The following TSHZ2 variants were observed in gnomAD, a reference collection of about 807,000 sequenced individuals.
The protein encoded by TSHZ2 is teashirt homolog 2.
In TSHZ2, 21 loss-of-function variants were observed where a neutral mutation model predicts 74.4. The ratio of observed to expected loss-of-function variants is 0.28; its 90% confidence interval spans 0.20 to 0.41. The LOEUF (loss-of-function observed/expected upper bound fraction) is 0.41. TSHZ2 is among the 10% of genes least tolerant of loss of function. The probability of loss-of-function intolerance (pLI) is 1.00; values close to 1 mark genes in which losing one functional copy is unlikely to be tolerated. For missense variants in TSHZ2, 1,244 were observed against 1,293.5 expected, an observed-to-expected ratio of 0.96 and a Z score of 0.59; for synonymous variants, 540 against 515.3, an observed-to-expected ratio of 1.05 and a Z score of -0.65.
chr20:53,083,510 CA>C (rs1258126732), intron 1 of TSHZ2, among the ~76,000 whole-genome samples: 3 of 151,740 alleles, frequency 2.0e-5, no homozygotes, highest in Non-Finnish European at 2.9e-5. Flanking sequence ...ATCGGAAAGC[CA>C]AAAAAGGACT....
In TSHZ2 at chr20:53,313,370, A is replaced by G. The variant is rs1978869126; in HGVS notation, c.*8+56799A>G. Among the ~76,000 whole-genome samples the G allele has an allele frequency of 2.0e-5, 3 of 152,250 alleles. No individual in the cohort carries two copies. The South Asian group carries it at 6.2e-4, about 32-fold the overall frequency. ...TCCTTAAATAGAATATGAGAAACAT[A>G]ATTTAATCTTTGCTATCTGACTCAG... On this transcript the variant is annotated intron_variant, in intron 2 of 2. Coordinates refer to ENST00000371497, the MANE Select transcript of TSHZ2 (RefSeq NM_173485.6).
intron 1 of TSHZ2, among the ~76,000 whole-genome samples, chr20:53,245,112 G>T (rs1240567074): frequency 6.6e-6 from 1 of 152,144 alleles, no homozygotes; most frequent in African/African-American, 2.4e-5. Flanking sequence ...AAGTTGGGAG[G>T]TAACCCTGCA....
At chr20:53,089,326 T>C (rs963920195) in intron 1 of TSHZ2, among the ~76,000 whole-genome samples, 7 of 120,030 alleles carry the variant, frequency 5.8e-5, no homozygotes, top group East Asian at 2.3e-4. Flanking sequence ...TTTTCTTTTT[T>C]TTTTTTTTTT....
Position 53,303,621 on chromosome 20 carries a change from T to C in TSHZ2, c.*8+47050T>C, listed in dbSNP as rs113931556. ...TGACGTTTCTGTGAGTTCCCAGAAA[T>C]TGTATTTTTCTTAATAGGGAAGGCA... On this transcript the variant is annotated intron_variant, in intron 2 of 2. Coordinates refer to ENST00000371497, the MANE Select transcript of TSHZ2 (RefSeq NM_173485.6). Among the ~76,000 whole-genome samples, 226 of 152,306 alleles carry C rather than the reference T, an allele frequency of 1.5e-3. 2 individuals carry two copies. Among genetic ancestry groups the C allele is most frequent in the African/African-American group, 5.0e-3 (209 of 41,572 alleles).
At chr20:53,053,395 T>G (rs1984539111) in intron 1 of TSHZ2, among the ~76,000 whole-genome samples, 1 of 152,180 alleles carries the variant, frequency 6.6e-6, no homozygotes, top group African/African-American at 2.4e-5. Context: ...TTCCCTTTTC[T>G]CTACCAAATG....
intron 2 of TSHZ2, chr20:53,397,573 C>T (rs1982499469): frequency 6.6e-6 from 1 of 152,168 alleles, no homozygotes; most frequent in African/African-American, 2.4e-5. Context: ...TGTGGCAATT[C>T]CTCAAGGATC....
chr20:53,037,894 GA>G (rs1983879098), intron 1 of TSHZ2, among the ~76,000 whole-genome samples: 1 of 152,076 alleles, frequency 6.6e-6, no homozygotes, highest in Non-Finnish European at 1.5e-5. Flanking sequence ...CCTGTGTGCA[GA>G]GCAGGGCGAG....
intron 2 of TSHZ2, among the ~76,000 whole-genome samples, chr20:53,362,882 A>G (rs1383531826): frequency 6.6e-6 from 1 of 152,214 alleles, no homozygotes; most frequent in Non-Finnish European, 1.5e-5. Flanking sequence ...TAGCCCACTC[A>G]TTCCTCTGAA....
intron 1 of TSHZ2, among the ~76,000 whole-genome samples, chr20:53,028,623 A>C (rs1012328448): frequency 6.6e-6 from 1 of 152,196 alleles, no homozygotes; most frequent in Non-Finnish European, 1.5e-5. Context: ...GTGGTGCCTT[A>C]AGATCTTGGA....
At chr20:53,024,201 AT>A (rs750576021) in intron 1 of TSHZ2, among the ~76,000 whole-genome samples, 40 of 151,980 alleles carry the variant, frequency 2.6e-4, no homozygotes, top group Non-Finnish European at 5.1e-4. Flanking sequence ...TTATTATCTT[AT>A]CTTAAAACTG....
rs188936806 is a variant in TSHZ2 at position 53,041,046 on chromosome 20, G to A, written c.40+67713G>A. 3.4e-3 allele frequency among the ~76,000 whole-genome samples: 517 copies of A among 152,318 alleles called. 2 individuals are homozygous for A. The highest frequency in any genetic ancestry group is 3.8e-3 in the Non-Finnish European group (260 of 68,022). ...GTTAGTCTCTGCAGGAAGCTGAGCC[G>A]TCTCCTAAGTGCCCACCCGGCTCCT... On this transcript the variant is annotated intron_variant, in intron 1 of 2. Coordinates refer to ENST00000371497, the MANE Select transcript of TSHZ2 (RefSeq NM_173485.6).
chr20:53,234,780 A>C (rs1287510333), intron 1 of TSHZ2, among the ~76,000 whole-genome samples: 2 of 152,144 alleles, frequency 1.3e-5, no homozygotes, highest in Non-Finnish European at 2.9e-5. Flanking sequence ...GAAATAGAAG[A>C]AAGCGTTGGA....
At chr20:53,238,107 C>G (rs961020914) in intron 1 of TSHZ2, among the ~76,000 whole-genome samples, 1 of 152,062 alleles carries the variant, frequency 6.6e-6, no homozygotes, top group South Asian at 2.1e-4. Context: ...AATAATAATA[C>G]CTACCCTCTA....
At chr20:53,170,182 G>C (rs143031314) in intron 1 of TSHZ2, among the ~76,000 whole-genome samples, 1 of 152,086 alleles carries the variant, frequency 6.6e-6, no homozygotes, top group Non-Finnish European at 1.5e-5. Context: ...TTTGTCTTTC[G>C]ATTACACTGC....
intron 1 of TSHZ2, among the ~76,000 whole-genome samples, chr20:53,068,728 T>C (rs1985075034): frequency 6.6e-6 from 1 of 152,196 alleles, no homozygotes; most frequent in African/African-American, 2.4e-5. Flanking sequence ...CTAAATTAGA[T>C]TACAGTATGG....
intron 1 of TSHZ2, among the ~76,000 whole-genome samples, chr20:53,115,650 T>C (rs1460744896): frequency 1.3e-5 from 2 of 151,978 alleles, no homozygotes; most frequent in Non-Finnish European, 2.9e-5. Context: ...AGCAAAGGAA[T>C]TGAGAATGGT....
chr20:53,366,956 G>A (rs886095204), intron 2 of TSHZ2, among the ~76,000 whole-genome samples: 4 of 152,298 alleles, frequency 2.6e-5, no homozygotes, highest in Non-Finnish European at 4.4e-5. Context: ...TGGGCTGTGC[G>A]ACTTAATCGA....
chr20:53,215,868 CA>C (rs78963941), intron 1 of TSHZ2, among the ~76,000 whole-genome samples: 2,168 of 83,786 alleles, frequency 0.026, 19 homozygotes, highest in African/African-American at 0.058. Flanking sequence ...AACTCCGTCT[CA>C]AAAAAAAAAA....
At chr20:53,185,627 GAAA>G (rs1568801051) in intron 1 of TSHZ2, 3 of 1,533,806 alleles carry the variant, frequency 2.0e-6, no homozygotes, top group Admixed American at 3.9e-5. Flanking sequence ...CTCAAAAAAA[GAAA>G]AAAAAGAAAG....
Sources: gnomAD v4.1 joint callset for allele counts (sites outside exome capture counted in the v4.1 genomes callset) on GRCh38, gnomAD v4.1.1 for gene constraint, MANE v1.5 for transcripts, NCBI Gene and HGNC (gene_info 2026-07-23, HGNC 2026-07-21) for gene names.